Variants in EDIL3 observed in about 807,000 individuals in gnomAD.
EDIL3 encodes EGF-like repeat and discoidin I-like domain-containing protein 3.
Under a neutral mutation model 67.4 loss-of-function variants are expected in EDIL3, and 37 were observed. The ratio of observed to expected loss-of-function variants is 0.55; its 90% CI spans 0.42 to 0.72. EDIL3 has a LOEUF of 0.72. EDIL3 is among the 30% of genes least tolerant of loss of function. The pLI, the probability that EDIL3 is intolerant of heterozygous loss-of-function variation, is 0.00. For missense variants in EDIL3, 527 were observed against 586.3 expected (o/e 0.90, Z 1.04); for synonymous variants, 195 against 196.3 (o/e 0.99, Z 0.05).
intron 9 of EDIL3, among the ~76,000 whole-genome samples, chr5:84,041,964 C>T (rs139504673): frequency 2.0e-5 from 3 of 152,116 alleles, no homozygotes; most frequent in African/African-American, 7.2e-5. Context: ...CAGAGTTTAA[C>T]TCAAATAATA....
intron 2 of EDIL3, among the ~76,000 whole-genome samples, chr5:84,231,846 T>TA (rs1744586329): frequency 6.6e-6 from 1 of 152,212 alleles, no homozygotes; most frequent in African/African-American, 2.4e-5. Context: ...AGTGCTGACT[T>TA]AGATGAGTTA....
chr5:84,365,271 C>T (rs899687285), intron 1 of EDIL3, among the ~76,000 whole-genome samples: 3 of 152,084 alleles, frequency 2.0e-5, no homozygotes, highest in African/African-American at 4.8e-5. Context: ...AACTTTCATG[C>T]TCATGGCCAC....
At chr5:83,964,175 T>C (rs923750772) in intron 9 of EDIL3, among the ~76,000 whole-genome samples, 2 of 152,118 alleles carry the variant, frequency 1.3e-5, no homozygotes, top group South Asian at 2.1e-4. Context: ...ATACGTAATA[T>C]AGAATAGTTC....
At chr5:84,093,252 G>T (rs953695007) in intron 6 of EDIL3, among the ~76,000 whole-genome samples, 2 of 150,832 alleles carry the variant, frequency 1.3e-5, no homozygotes, top group Non-Finnish European at 2.9e-5. Context: ...ATTTAACATA[G>T]TTTTATTTAA....
At chr5:84,359,129 G>A (rs1384963056) in intron 1 of EDIL3, among the ~76,000 whole-genome samples, 1 of 152,080 alleles carries the variant, frequency 6.6e-6, no homozygotes, top group East Asian at 1.9e-4. Flanking sequence ...TATAGTCTGT[G>A]TTTTCAGTCT....
At chr5:84,269,733 T>C (rs969993207) in intron 1 of EDIL3, among the ~76,000 whole-genome samples, 1 of 152,160 alleles carries the variant, frequency 6.6e-6, no homozygotes, top group African/African-American at 2.4e-5. Context: ...ATTCTGGACA[T>C]TATCCCCAAA....
intron 1 of EDIL3, among the ~76,000 whole-genome samples, chr5:84,368,450 ACTTAC>A (rs1234787560): frequency 1.3e-5 from 2 of 152,188 alleles, no homozygotes; most frequent in East Asian, 3.9e-4. Flanking sequence ...GAAGTTGAGC[ACTTAC>A]CTACATCGTA....
At chr5:84,340,561 TATATATATATGTTA>T (rs1246859457) in intron 1 of EDIL3, among the ~76,000 whole-genome samples, 1 of 142,018 alleles carries the variant, frequency 7.0e-6, no homozygotes, top group Non-Finnish European at 1.5e-5. Context: ...TATATATATA[TATATATATATGTTA>T]GTCTACATAT....
intron 3 of EDIL3, among the ~76,000 whole-genome samples, chr5:84,200,766 T>C (rs1743814425): frequency 6.6e-6 from 1 of 152,076 alleles, no homozygotes; most frequent in South Asian, 2.1e-4. Flanking sequence ...GACTACTATG[T>C]AGACATCGAT....
intron 9 of EDIL3, among the ~76,000 whole-genome samples, chr5:84,009,030 TTAAACTCCTGG>T (rs1241476166): frequency 1.3e-5 from 2 of 152,188 alleles, no homozygotes; most frequent in Non-Finnish European, 2.9e-5. Flanking sequence ...CCAGCTGGTC[TTAAACTCCTGG>T]TTTCCAGTGA....
At chr5:84,371,425 A>ATG (rs1279647013) in intron 1 of EDIL3, among the ~76,000 whole-genome samples, 23 of 116,424 alleles carry the variant, frequency 2.0e-4, no homozygotes, top group South Asian at 6.2e-4. Context: ...GTGTATATAT[A>ATG]TGTGTGTGTA....
chr5:83,970,514 T>C (rs1341015663), intron 9 of EDIL3, among the ~76,000 whole-genome samples: 1 of 148,674 alleles, frequency 6.7e-6, no homozygotes, highest in Non-Finnish European at 1.5e-5. Context: ...AAAAAGATAA[T>C]TTACTTGATT....
chr5:84,160,744 T>TCTTTCCTTTCCTTTCCTTTCCTTTC lies in EDIL3; in HGVS notation c.355+19624_355+19648dup, dbSNP rs58536621. Among the ~76,000 whole-genome samples the TCTTTCCTTTCCTTTCCTTTCCTTTC allele has an allele frequency of 1.6e-3, 163 of 100,066 alleles. 1 individual carries two copies. The highest frequency in any genetic ancestry group is 2.9e-3 in the African/African-American group (71 of 24,558). The allele number at this position is 100,066 out of a possible 152,430, so 65.6% of individuals were successfully genotyped here. A position where few individuals can be genotyped will look rare whatever the true frequency, so the allele number is the denominator to read the frequency against. On this transcript the variant is annotated intron_variant, in intron 4 of 10. Transcript: ENST00000296591. ...TTTTCTTCTTTTTTTTCTTTTCTTT[T>TCTTTCCTTTCCTTTCCTTTCCTTTC]CTTTCCTTTCCTTTCCTTTCCTTTC...
chr5:84,149,184 G>A (rs1213029820), intron 4 of EDIL3, among the ~76,000 whole-genome samples: 1 of 151,678 alleles, frequency 6.6e-6, no homozygotes, highest in Non-Finnish European at 1.5e-5. Flanking sequence ...ATACCCAACA[G>A]GAGAGAACTA....
At chr5:83,953,029 A>ACAG (rs1311318510) in intron 10 of EDIL3, among the ~76,000 whole-genome samples, 1 of 151,748 alleles carries the variant, frequency 6.6e-6, no homozygotes, top group African/African-American at 2.4e-5. Context: ...GTGGAATCGT[A>ACAG]CAGCTGAAGC....
intron 1 of EDIL3, among the ~76,000 whole-genome samples, chr5:84,270,998 G>A (rs1745461992): frequency 6.6e-6 from 1 of 152,092 alleles, no homozygotes; most frequent in Non-Finnish European, 1.5e-5. Flanking sequence ...ATTCGTATGA[G>A]TTATACCACG....
intron 4 of EDIL3, among the ~76,000 whole-genome samples, chr5:84,161,827 T>C (rs1174064952): frequency 6.6e-6 from 1 of 152,116 alleles, no homozygotes; most frequent in Non-Finnish European, 1.5e-5. Context: ...CATTAAAAGT[T>C]ATCATAAGGC....
At chr5:84,162,450 A>G (rs1364311453) in intron 4 of EDIL3, among the ~76,000 whole-genome samples, 1 of 152,124 alleles carries the variant, frequency 6.6e-6, no homozygotes, top group Non-Finnish European at 1.5e-5. Context: ...AAAGTGGATG[A>G]GATGAAATCC....
chr5:84,179,712 C>T (rs1223333464), intron 4 of EDIL3, among the ~76,000 whole-genome samples: 1 of 152,180 alleles, frequency 6.6e-6, no homozygotes, highest in Non-Finnish European at 1.5e-5. Context: ...GTGGCAACCT[C>T]TGTGAGAATC....
Sources: gnomAD v4.1 joint callset for allele counts (sites outside exome capture counted in the v4.1 genomes callset) on GRCh38, gnomAD v4.1.1 for gene constraint, MANE v1.5 for transcripts, NCBI Gene and HGNC (gene_info 2026-07-23, HGNC 2026-07-21) for gene names.